CPA6: variants seen among roughly 807,000 people sequenced by gnomAD.
The protein encoded by CPA6 is carboxypeptidase B.
Under a neutral mutation model 63.3 loss-of-function variants are expected in CPA6, and 58 were observed. That is an observed-to-expected ratio of 0.92 (90% CI 0.74 to 1.14). The LOEUF (loss-of-function observed/expected upper bound fraction) is 1.14, where lower values mean the gene tolerates loss of function less well. CPA6 is among the 50% of genes most tolerant of loss of function. CPA6 has a pLI of 0.00. For synonymous variants in CPA6, 185 were observed against 179.0 expected, an observed-to-expected ratio of 1.03 and a Z score of -0.27; for missense variants, 565 against 526.6, an observed-to-expected ratio of 1.07 and a Z score of -0.71.
intron 2 of CPA6, among the ~76,000 whole-genome samples, chr8:67,595,256 A>G (rs1814293174): frequency 6.6e-6 from 1 of 152,100 alleles, no homozygotes; most frequent in African/African-American, 2.4e-5. Context: ...GTCTCAGAGG[A>G]GTACCTGGCC....
chr8:67,736,872 G>A (rs1033053911), intron 1 of CPA6, among the ~76,000 whole-genome samples: 6 of 152,156 alleles, frequency 3.9e-5, no homozygotes, highest in Non-Finnish European at 7.3e-5. Context: ...TTCAATTTAC[G>A]CTATTCCCTC....
intron 8 of CPA6, among the ~76,000 whole-genome samples, chr8:67,479,029 G>T (rs932535501): frequency 7.2e-5 from 11 of 152,044 alleles, no homozygotes; most frequent in African/African-American, 2.7e-4. Context: ...TAAAAGAAAA[G>T]AAAAGAAAGA....
intron 1 of CPA6, among the ~76,000 whole-genome samples, chr8:67,679,798 G>C (rs142027612): frequency 1.2e-3 from 188 of 152,292 alleles, no homozygotes; most frequent in Non-Finnish European, 1.2e-3. Flanking sequence ...CATTTCCATA[G>C]TTCAACCTAA....
At chr8:67,553,359 C>A (rs943116195) in intron 2 of CPA6, among the ~76,000 whole-genome samples, 3 of 152,170 alleles carry the variant, frequency 2.0e-5, no homozygotes, top group Non-Finnish European at 4.4e-5. Context: ...ATCAATTCAG[C>A]AAGCTTGTAG....
chr8:67,489,620 A>G lies in CPA6; in HGVS notation c.637-4831T>C, dbSNP rs191161744. Among the ~76,000 whole-genome samples, 151 of 152,274 alleles carry G rather than the reference A, an allele frequency of 9.9e-4. 4 individuals carry two copies. The highest frequency in any genetic ancestry group is 7.9e-3 in the Admixed American group (121 of 15,296). On this transcript the variant is annotated intron_variant, in intron 6 of 10. Transcript: ENST00000297770. ...TGCTTTGTGGACTAGAATATAATCAATTGTTGTGAATGTTCCAATTGTGCT... is the reference window on the plus strand; with the variant it reads ...TGCTTTGTGGACTAGAATATAATCAGTTGTTGTGAATGTTCCAATTGTGCT...
At chr8:67,579,600 G>A (rs906759525) in intron 2 of CPA6, among the ~76,000 whole-genome samples, 14 of 152,074 alleles carry the variant, frequency 9.2e-5, no homozygotes, top group African/African-American at 2.9e-4. Context: ...CAAATAATAT[G>A]GGTCAAACTA....
chr8:67,510,764 C>T (rs1055432226), intron 4 of CPA6, among the ~76,000 whole-genome samples: 19 of 152,122 alleles, frequency 1.2e-4, no homozygotes, highest in Non-Finnish European at 2.5e-4. Flanking sequence ...CACTGTTTGC[C>T]TGCCACTGGA....
chr8:67,468,185 T>C (rs1810973190), intron 8 of CPA6, among the ~76,000 whole-genome samples: 1 of 152,144 alleles, frequency 6.6e-6, no homozygotes, highest in Admixed American at 6.5e-5. Context: ...TAAGAACACC[T>C]TTGAAATCCT....
intron 1 of CPA6, among the ~76,000 whole-genome samples, chr8:67,656,418 C>T (rs1424116780): frequency 6.6e-6 from 1 of 152,178 alleles, no homozygotes; most frequent in African/African-American, 2.4e-5. Context: ...TGGATGAGCA[C>T]AGCAATGACT....
At chr8:67,685,343 C>T (rs1174415218) in intron 1 of CPA6, among the ~76,000 whole-genome samples, 2 of 152,136 alleles carry the variant, frequency 1.3e-5, no homozygotes, top group African/African-American at 2.4e-5. Context: ...GCTGGCCGGG[C>T]GCAGTGGCTC....
intron 1 of CPA6, among the ~76,000 whole-genome samples, chr8:67,668,183 A>G (rs1427431492): frequency 6.6e-6 from 1 of 152,258 alleles, no homozygotes; most frequent in Non-Finnish European, 1.5e-5. Flanking sequence ...ATTTAAAATT[A>G]TTCCTTTTAT....
intron 2 of CPA6, among the ~76,000 whole-genome samples, chr8:67,541,883 A>G (rs1230080401): frequency 6.6e-6 from 1 of 152,222 alleles, no homozygotes; most frequent in Non-Finnish European, 1.5e-5. Flanking sequence ...GGAAATGCAG[A>G]AATCACCTGC....
At chr8:67,733,221 A>AAAAT (rs553160545) in intron 1 of CPA6, among the ~76,000 whole-genome samples, 1 of 83,340 alleles carries the variant, frequency 1.2e-5, no homozygotes, top group South Asian at 3.3e-4. Flanking sequence ...AAAAAAAAAA[A>AAAAT]AAATAAAAAA....
chr8:67,688,994 T>TATTATTATTATTATTA (rs201709532), intron 1 of CPA6, among the ~76,000 whole-genome samples: 3 of 151,890 alleles, frequency 2.0e-5, no homozygotes, highest in African/African-American at 7.3e-5. Flanking sequence ...TTATTATTAT[T>TATTATTATTATTATTA]TTTTAGATGG....
At chr8:67,529,317 C>G (rs1195256039) in intron 2 of CPA6, among the ~76,000 whole-genome samples, 1 of 152,112 alleles carries the variant, frequency 6.6e-6, no homozygotes, top group Non-Finnish European at 1.5e-5. Flanking sequence ...TTAGAAATGA[C>G]TTGGCTGATC....
At chr8:67,547,236 C>T (rs1812837128) in intron 2 of CPA6, among the ~76,000 whole-genome samples, 1 of 151,994 alleles carries the variant, frequency 6.6e-6, no homozygotes, top group African/African-American at 2.4e-5. Context: ...TTAGTAGATA[C>T]AGGGTTTCAC....
At chr8:67,724,775 A>G (rs572904117) in intron 1 of CPA6, among the ~76,000 whole-genome samples, 1 of 152,270 alleles carries the variant, frequency 6.6e-6, no homozygotes, top group South Asian at 2.1e-4. Flanking sequence ...TGTACCCCTT[A>G]CTTCCTTTCC....
intron 1 of CPA6, among the ~76,000 whole-genome samples, chr8:67,695,184 C>T (rs1401243149): frequency 2.6e-5 from 4 of 152,174 alleles, no homozygotes; most frequent in African/African-American, 9.7e-5. Context: ...TCCCTAGCCA[C>T]TCCTATTATC....
At position 67,470,632 on chromosome 8, in the gene CPA6, A is replaced by G. The variant is rs1450401600; in HGVS notation, c.838+13136T>C. On this transcript the variant is annotated intron_variant, in intron 8 of 10. Transcript: ENST00000297770. ...GGACTATTAACATTATTTTTATGTA[A>G]TGTTTGATTCTGAAGTGTTTATATA... Among the ~76,000 whole-genome samples the G allele has an allele frequency of 2.0e-5, 3 of 152,078 alleles. No homozygotes were observed. The East Asian group carries it at 5.8e-4, about 29-fold the overall frequency.
Sources: gnomAD v4.1 joint callset for allele counts (sites outside exome capture counted in the v4.1 genomes callset) on GRCh38, gnomAD v4.1.1 for gene constraint, MANE v1.5 for transcripts, NCBI Gene and HGNC (gene_info 2026-07-23, HGNC 2026-07-21) for gene names.